TMPRSS11F: variants seen among roughly 807,000 people sequenced by gnomAD.
TMPRSS11F encodes transmembrane protease serine 11F.
Under a neutral mutation model 60.2 loss-of-function variants are expected in TMPRSS11F, and 47 were observed. The ratio of observed to expected loss-of-function variants is 0.78; its 90% CI spans 0.62 to 1.00. The LOEUF is 1.00. TMPRSS11F is among the 50% of genes least tolerant of loss of function. TMPRSS11F has a pLI of 0.00. For missense variants in TMPRSS11F, 519 were observed against 522.9 expected (o/e 0.99, Z 0.07); for synonymous variants, 166 against 167.3 (o/e 0.99, Z 0.06).
At chr4:68,090,778 TTC>T in intron 2 of TMPRSS11F, 137 bp from the exon 3 acceptor site, 1 of 1,390,242 alleles carries the variant, frequency 7.2e-7, no homozygotes, top group South Asian at 1.5e-5. Context: ...TTGAAGACAC[TTC>T]TCAAATACTC....
intron 3 of TMPRSS11F, among the ~76,000 whole-genome samples, chr4:68,075,750 T>G (rs1463387486): frequency 6.6e-6 from 1 of 152,156 alleles, no homozygotes; most frequent in African/African-American, 2.4e-5. Flanking sequence ...ATCCCAGCAC[T>G]CTGGGAGGCC....
intron 5 of TMPRSS11F, among the ~76,000 whole-genome samples, chr4:68,070,329 C>G (rs185613920): frequency 1.3e-4 from 19 of 151,954 alleles, no homozygotes; most frequent in Admixed American, 7.2e-4. Context: ...TTTGGGGGCT[C>G]CAGTATAATC....
intron 3 of TMPRSS11F, among the ~76,000 whole-genome samples, chr4:68,083,743 G>A (rs1013924793): frequency 2.0e-5 from 3 of 152,144 alleles, no homozygotes; most frequent in Admixed American, 6.5e-5. Context: ...AAAAAGAATA[G>A]GTGCAAGAAC....
At position 68,079,277 on chromosome 4, in the gene TMPRSS11F, CTG is replaced by C. The variant is rs553850142; in HGVS notation, c.283-5270_283-5269del. Among the ~76,000 whole-genome samples the C allele has an allele frequency of 2.2e-4, 33 of 152,060 alleles. No individual in the cohort carries two copies. The East Asian group carries it at 6.2e-3, about 29-fold the overall frequency. On this transcript the variant is annotated intron_variant, in intron 3 of 9. Transcript: ENST00000356291. ...TAAGGTGGCACAGGAAGTGGTGGCT[CTG>C]TAATATGAACCCAGGGAAGCCATCT...
At chr4:68,081,982 C>A (rs1447910290) in intron 3 of TMPRSS11F, among the ~76,000 whole-genome samples, 1 of 152,136 alleles carries the variant, frequency 6.6e-6, no homozygotes, top group Non-Finnish European at 1.5e-5. Context: ...TGCCCAGATA[C>A]AGCCAGAAAG....
chr4:68,095,311 T>C (rs1354791019), intron 2 of TMPRSS11F, among the ~76,000 whole-genome samples: 1 of 151,992 alleles, frequency 6.6e-6, no homozygotes, highest in Non-Finnish European at 1.5e-5. Context: ...GAGAACTCTT[T>C]GAAATCAATA....
At chr4:68,080,657 G>T (rs959582918) in intron 3 of TMPRSS11F, 3 of 152,176 alleles carry the variant, frequency 2.0e-5, no homozygotes, top group African/African-American at 7.2e-5. Context: ...TCATGCTGAG[G>T]CTACATTTGT....
chr4:68,091,677 A>T lies in TMPRSS11F; in HGVS notation c.164-1036T>A, dbSNP rs56895838. On this transcript the variant is annotated intron_variant, in intron 2 of 9. Coordinates refer to ENST00000356291, the MANE Select transcript of TMPRSS11F (RefSeq NM_207407.2). ...ACATGGTCACCCAAGGCTTGGTTTC[A>T]TCCTCATTTCCAATATCCAATTAAT... 2.0e-3 allele frequency among the ~76,000 whole-genome samples: 303 copies of T among 151,998 alleles called. 1 individual carries two copies. Among genetic ancestry groups the T allele is most frequent in the African/African-American group, 7.0e-3 (291 of 41,420 alleles).
chr4:68,071,580 T>C (rs1414373180), intron 5 of TMPRSS11F, among the ~76,000 whole-genome samples: 1 of 152,190 alleles, frequency 6.6e-6, no homozygotes, highest in Non-Finnish European at 1.5e-5. Flanking sequence ...GCCCTTGACA[T>C]TTAAAATTTT....
intron 1 of TMPRSS11F, among the ~76,000 whole-genome samples, chr4:68,119,673 T>C (rs1240322024): frequency 6.6e-6 from 1 of 152,164 alleles, no homozygotes; most frequent in African/African-American, 2.4e-5. Context: ...TTGAGACTTA[T>C]TGCTCCAAAA....
chr4:68,085,757 A>G (rs1560401232), intron 3 of TMPRSS11F, among the ~76,000 whole-genome samples: 1 of 152,188 alleles, frequency 6.6e-6, no homozygotes, highest in Non-Finnish European at 1.5e-5. Context: ...AACAAAAAGC[A>G]GCAAGAACGG....
At chr4:68,056,358 G>C (rs1483542677) in intron 9 of TMPRSS11F, among the ~76,000 whole-genome samples, 6 of 150,858 alleles carry the variant, frequency 4.0e-5, no homozygotes, top group Non-Finnish European at 8.9e-5. Context: ...ACAAAACTCA[G>C]TAGTGTTTCC....
intron 1 of TMPRSS11F, among the ~76,000 whole-genome samples, chr4:68,111,671 AT>A (rs952941136): frequency 6.6e-6 from 1 of 152,106 alleles, no homozygotes; most frequent in African/African-American, 2.4e-5. Flanking sequence ...AATTTGTGTT[AT>A]TTCTCCTTTG....
Position 68,092,268 on chromosome 4 carries a change from A to G in TMPRSS11F, c.164-1627T>C, listed in dbSNP as rs190718070. On this transcript the variant is annotated intron_variant, in intron 2 of 9. Transcript: ENST00000356291. ...GAATGACCAGAAAATTATATACAAG[A>G]GGATGAAAATCTGTAAGTGTAATAT... Among the ~76,000 whole-genome samples the G allele has an allele frequency of 1.1e-3, 170 of 152,280 alleles. 1 individual carries two copies. Among genetic ancestry groups the G allele is most frequent in the African/African-American group, 3.8e-3 (160 of 41,578 alleles).
At chr4:68,068,523 G>A in intron 7 of TMPRSS11F, 95 bp downstream of exon 7, 1 of 1,061,390 alleles carries the variant, frequency 9.4e-7, no homozygotes, top group East Asian at 2.4e-5. Flanking sequence ...ATGGAGCAAA[G>A]GTTAAACTGG....
intron 2 of TMPRSS11F, among the ~76,000 whole-genome samples, chr4:68,096,121 A>T (rs1374793985): frequency 2.2e-5 from 3 of 136,046 alleles, no homozygotes; most frequent in East Asian, 2.2e-4. Context: ...TCAATAATTT[A>T]AAAAAAAAAC....
intron 1 of TMPRSS11F, among the ~76,000 whole-genome samples, chr4:68,117,145 T>C (rs1314997523): frequency 2.2e-5 from 3 of 135,388 alleles, no homozygotes; most frequent in African/African-American, 5.7e-5. Flanking sequence ...TACAACTCAA[T>C]AGCAAAAGAC....
chr4:68,108,657 T>C (rs924013613), intron 1 of TMPRSS11F, among the ~76,000 whole-genome samples: 4 of 152,180 alleles, frequency 2.6e-5, no homozygotes, highest in African/African-American at 9.7e-5. Context: ...TATAAAATCT[T>C]TCCAATATAT....
intron 5 of TMPRSS11F, 113 bp from the exon 6 acceptor site, chr4:68,070,120 C>T (rs1723421654): frequency 1.3e-6 from 1 of 765,822 alleles, no homozygotes. Context: ...ATACATATTT[C>T]AAGAGAATAT....
Sources: allele counts gnomAD v4.1 joint callset (sites outside exome capture counted in the v4.1 genomes callset), GRCh38; gene constraint gnomAD v4.1.1; transcripts MANE v1.5; gene names NCBI Gene and HGNC (gene_info 2026-07-23, HGNC 2026-07-21).